Variants in UBE2D2 observed in about 807,000 individuals in gnomAD.
UBE2D2 encodes the protein ubiquitin-conjugating enzyme E2 D2.
UBE2D2 carries 2 observed loss-of-function variants against 24.2 expected under a neutral mutation model. That is an observed-to-expected ratio of 0.08 (90% CI 0.03 to 0.26). The LOEUF is 0.26. Ranked by LOEUF, UBE2D2 falls within the 10% of genes least tolerant of loss-of-function variation. The pLI is 1.00. For missense variants in UBE2D2, 44 were observed against 177.6 expected (o/e 0.25, Z 4.28); for synonymous variants, 58 against 56.5 (o/e 1.03, Z -0.12).
rs9324839 is a variant in UBE2D2 at position 139,620,284 on chromosome 5, C to A, written c.305-3084C>A. ...AGAAGCTAAGTAGTGTACTAAAAATCTTTTCACAAGGTCCAGATAGCCAGT... is the reference window on the plus strand; with the variant it reads ...AGAAGCTAAGTAGTGTACTAAAAATATTTTCACAAGGTCCAGATAGCCAGT... On this transcript the variant is annotated intron_variant, in intron 5 of 6. Coordinates refer to ENST00000398733, the MANE Select transcript of UBE2D2 (RefSeq NM_003339.3). Among the ~76,000 whole-genome samples, 480 of 152,262 alleles carry A rather than the reference C, an allele frequency of 3.2e-3. 1 individual carries two copies. Among genetic ancestry groups the A allele is most frequent in the African/African-American group, 0.011 (458 of 41,532 alleles).
At position 139,590,782 on chromosome 5, in the gene UBE2D2, CTTTTTTTTTTTTTTTTT is replaced by C. The variant is rs57962602; in HGVS notation, c.25-9576_25-9560del. ...TTCATGGTGGGTATTTTCTCTTCTT[CTTTTTTTTTTTTTTTTT>C]TTTTTTTTTTTTTGAGATGTAGTCT... is the stretch of plus-strand genomic sequence containing the variant. On this transcript the variant is annotated intron_variant, in intron 1 of 6. Transcript: ENST00000398733. Among the ~76,000 whole-genome samples the C allele has an allele frequency of 8.1e-3, 310 of 38,440 alleles. 8 individuals are homozygous for C. The South Asian group carries it at 0.17, about 21-fold the overall frequency. 25.2% of individuals were successfully genotyped at this position (38,440 alleles called of 152,430 possible).
intron 1 of UBE2D2, among the ~76,000 whole-genome samples, chr5:139,575,391 A>G (rs1453482872): frequency 1.3e-5 from 2 of 152,192 alleles, no homozygotes; most frequent in Admixed American, 6.6e-5. Context: ...CTTAGGTGTC[A>G]GTGTTAAATA....
chr5:139,553,907 G>GT (rs1320511554), intron 1 of UBE2D2, among the ~76,000 whole-genome samples: 1 of 152,036 alleles, frequency 6.6e-6, no homozygotes, highest in East Asian at 1.9e-4. Context: ...AGCCTCCTAA[G>GT]TAGCTGGGAC....
At chr5:139,616,111 G>A (rs1223976017) in intron 5 of UBE2D2, among the ~76,000 whole-genome samples, 1 of 150,138 alleles carries the variant, frequency 6.7e-6, no homozygotes, top group Non-Finnish European at 1.5e-5. Context: ...TGGGATTACA[G>A]GCATGAGCCA....
upstream of UBE2D2, among the ~76,000 whole-genome samples, chr5:139,558,853 T>C (rs28585643): frequency 0.082 from 12,527 of 151,968 alleles, 641 homozygotes; most frequent in African/African-American, 0.12. Flanking sequence ...ACACCTGAGG[T>C]GCAGTGGAAC....
At chr5:139,615,233 T>C (rs938368822) in intron 5 of UBE2D2, among the ~76,000 whole-genome samples, 10 of 152,172 alleles carry the variant, frequency 6.6e-5, no homozygotes, top group South Asian at 2.1e-4. Flanking sequence ...GCCTGTAATC[T>C]CAGCACTTTG....
At chr5:139,576,580 G>A (rs926541245) in intron 1 of UBE2D2, among the ~76,000 whole-genome samples, 1 of 151,946 alleles carries the variant, frequency 6.6e-6, no homozygotes, top group African/African-American at 2.4e-5. Context: ...TGTTAGCCAG[G>A]ATGGTCTCAA....
chr5:139,559,652 C>T (rs761708293), upstream of UBE2D2, among the ~76,000 whole-genome samples: 5 of 152,294 alleles, frequency 3.3e-5, no homozygotes, highest in South Asian at 6.2e-4. Context: ...TTGCCACTCA[C>T]CTACTGTGTG....
upstream of UBE2D2, among the ~76,000 whole-genome samples, chr5:139,560,744 C>T (rs985692855): frequency 6.6e-6 from 1 of 152,286 alleles, no homozygotes; most frequent in Non-Finnish European, 1.5e-5. Context: ...CTGGACACCT[C>T]GAAGGCACAC....
At chr5:139,547,062 G>C (rs994834924) in intron 1 of UBE2D2, among the ~76,000 whole-genome samples, 2 of 151,618 alleles carry the variant, frequency 1.3e-5, no homozygotes, top group Non-Finnish European at 2.9e-5. Context: ...AGGCTGATAC[G>C]GGCGGATCAC....
chr5:139,566,193 A>G (rs1429173727), intron 1 of UBE2D2, among the ~76,000 whole-genome samples: 2 of 151,792 alleles, frequency 1.3e-5, no homozygotes, highest in Non-Finnish European at 2.9e-5. Flanking sequence ...TAATTTTTGT[A>G]TTTTTAATAG....
chr5:139,577,645 C>G (rs1040555563), intron 1 of UBE2D2, among the ~76,000 whole-genome samples: 1 of 152,098 alleles, frequency 6.6e-6, no homozygotes, highest in African/African-American at 2.4e-5. Context: ...AACTCCTGAC[C>G]TCAGGTGATC....
upstream of UBE2D2, among the ~76,000 whole-genome samples, chr5:139,560,042 T>C (rs1190264448): frequency 6.6e-6 from 1 of 151,678 alleles, no homozygotes; most frequent in African/African-American, 2.4e-5. Context: ...TTGGTTTTTT[T>C]TTTTTTTTTG....
At chr5:139,574,711 G>A (rs537660804) in intron 1 of UBE2D2, among the ~76,000 whole-genome samples, 237 of 143,758 alleles carry the variant, frequency 1.6e-3, no homozygotes, top group African/African-American at 5.9e-3. Flanking sequence ...AACATTCAGT[G>A]AATGCCAATA....
At chr5:139,580,365 A>G (rs1335393775) in intron 1 of UBE2D2, among the ~76,000 whole-genome samples, 2 of 152,132 alleles carry the variant, frequency 1.3e-5, no homozygotes, top group Non-Finnish European at 2.9e-5. Flanking sequence ...CTGCCTGGCC[A>G]ATCCTATCAT....
At chr5:139,547,888 T>A (rs1056829016) in intron 1 of UBE2D2, among the ~76,000 whole-genome samples, 43 of 151,836 alleles carry the variant, frequency 2.8e-4, no homozygotes, top group Non-Finnish European at 5.6e-4. Flanking sequence ...AAAGACAGTG[T>A]TTCACCATGC....
At chr5:139,614,821 T>A (rs1754389255) in intron 4 of UBE2D2, 40 bp from the exon 5 acceptor site, 2 of 1,611,208 alleles carry the variant, frequency 1.2e-6, no homozygotes, top group Admixed American at 1.7e-5. Flanking sequence ...TCTATAATAC[T>A]AATAAACTAG....
intron 1 of UBE2D2, among the ~76,000 whole-genome samples, chr5:139,569,655 G>A (rs1354797117): frequency 6.6e-6 from 1 of 152,182 alleles, no homozygotes; most frequent in Non-Finnish European, 1.5e-5. Flanking sequence ...GCAGAGTCAA[G>A]TGAGATTTTG....
chr5:139,562,327 C>T (rs750526801), intron 1 of UBE2D2: 3 of 1,347,260 alleles, frequency 2.2e-6, no homozygotes, highest in Non-Finnish European at 2.9e-6. Flanking sequence ...GTTCACTTAC[C>T]TCTTGGGTGG....
Sources: allele counts gnomAD v4.1 joint callset (sites outside exome capture counted in the v4.1 genomes callset), GRCh38; gene constraint gnomAD v4.1.1; transcripts MANE v1.5; gene names NCBI Gene and HGNC (gene_info 2026-07-23, HGNC 2026-07-21).